Variants in PDE4B observed in about 807,000 individuals in gnomAD.
PDE4B encodes the protein 3',5'-cyclic-AMP phosphodiesterase 4B.
In PDE4B, 20 loss-of-function variants were observed where a neutral mutation model predicts 82.2. The observed-to-expected ratio is 0.24, with a 90% CI of 0.17 to 0.35. PDE4B has a LOEUF of 0.35. Ranked by LOEUF, PDE4B falls within the 10% of genes least tolerant of loss-of-function variation. The pLI is 1.00. For synonymous variants in PDE4B, 320 were observed against 318.9 expected, an observed-to-expected ratio of 1.00 and a Z score of -0.04; for missense variants, 655 against 907.2, an observed-to-expected ratio of 0.72 and a Z score of 3.57.
At chr1:65,992,715 T>C (rs568538522) in intron 3 of PDE4B, 7 of 1,344,320 alleles carry the variant, frequency 5.2e-6, no homozygotes, top group African/African-American at 3.0e-5. Context: ...ATAAAGCTCC[T>C]TGTGACAGCC....
intron 1 of PDE4B, among the ~76,000 whole-genome samples, chr1:65,855,555 G>A (rs1276275774): frequency 6.6e-6 from 1 of 152,032 alleles, no homozygotes; most frequent in Non-Finnish European, 1.5e-5. Context: ...TCCCATTTCT[G>A]GGTGGGCTCT....
intron 8 of PDE4B, among the ~76,000 whole-genome samples, chr1:66,337,934 C>G (rs907443170): frequency 2.6e-5 from 4 of 152,142 alleles, no homozygotes; most frequent in Non-Finnish European, 1.5e-5. Flanking sequence ...CCTGCCTTTA[C>G]TTAGGTATAG....
chr1:65,992,424 C>T (rs917244603), intron 3 of PDE4B: 3 of 153,288 alleles, frequency 2.0e-5, no homozygotes, highest in African/African-American at 7.2e-5. Flanking sequence ...AAACATTACA[C>T]ATGCTGGACG....
intron 7 of PDE4B, among the ~76,000 whole-genome samples, chr1:66,297,013 C>T (rs1657559368): frequency 6.6e-6 from 1 of 152,148 alleles, no homozygotes; most frequent in Non-Finnish European, 1.5e-5. Context: ...CTGTTTGATT[C>T]TGTGGAAGTT....
chr1:66,071,039 A>AATTTTTCTTAATGAATGTTAAC (rs1656131046), intron 3 of PDE4B, among the ~76,000 whole-genome samples: 1 of 152,016 alleles, frequency 6.6e-6, no homozygotes, highest in Non-Finnish European at 1.5e-5. Context: ...TTATGTTAAT[A>AATTTTTCTTAATGAATGTTAAC]ATTTTTCTTA....
chr1:66,079,177 T>TCC (rs1656594172), intron 3 of PDE4B, among the ~76,000 whole-genome samples: 1 of 144,524 alleles, frequency 6.9e-6, no homozygotes, highest in South Asian at 2.3e-4. Context: ...TCTCTCTCTC[T>TCC]CTCTCTCTCT....
chr1:66,220,521 G>A (rs1263490835), intron 3 of PDE4B, among the ~76,000 whole-genome samples: 1 of 152,158 alleles, frequency 6.6e-6, no homozygotes, highest in Non-Finnish European at 1.5e-5. Context: ...CTGCTTGCAA[G>A]CTGAGATGGA....
At chr1:65,925,792 A>G (rs781117297) in intron 3 of PDE4B, among the ~76,000 whole-genome samples, 3 of 152,320 alleles carry the variant, frequency 2.0e-5, no homozygotes, top group Middle Eastern at 6.8e-3. Context: ...ATTTGATTCT[A>G]TCAGGTCTCT....
intron 1 of PDE4B, among the ~76,000 whole-genome samples, chr1:65,822,302 A>G (rs150014784): frequency 9.9e-4 from 151 of 152,156 alleles, no homozygotes; most frequent in Middle Eastern, 3.4e-3. Context: ...GGATATTAAG[A>G]TTGTTTTCGG....
At chr1:66,064,165 A>G (rs1255161766) in intron 3 of PDE4B, among the ~76,000 whole-genome samples, 1 of 152,014 alleles carries the variant, frequency 6.6e-6, no homozygotes, top group Non-Finnish European at 1.5e-5. Context: ...CTTAGCCTTT[A>G]TCAGCAAAAA....
intron 1 of PDE4B, among the ~76,000 whole-genome samples, chr1:65,899,817 G>A (rs910086496): frequency 1.3e-5 from 2 of 151,992 alleles, no homozygotes; most frequent in African/African-American, 2.4e-5. Flanking sequence ...ACTCATAAGC[G>A]GGAGCTAAGC....
intron 3 of PDE4B, among the ~76,000 whole-genome samples, chr1:66,081,628 T>C (rs1424187465): frequency 6.6e-6 from 1 of 152,126 alleles, no homozygotes; most frequent in Non-Finnish European, 1.5e-5. Context: ...TAAAGGAAAT[T>C]TCATGTTTTA....
chr1:66,111,781 T>C (rs758024014), intron 3 of PDE4B, among the ~76,000 whole-genome samples: 3 of 152,096 alleles, frequency 2.0e-5, no homozygotes, highest in Non-Finnish European at 4.4e-5. Context: ...TTGGCCTGAT[T>C]TGTAGTTGAT....
At chr1:66,202,006 A>T (rs1341521803) in intron 3 of PDE4B, among the ~76,000 whole-genome samples, 1 of 152,218 alleles carries the variant, frequency 6.6e-6, no homozygotes, top group East Asian at 1.9e-4. Flanking sequence ...TTCCCTCTAC[A>T]CACTGCTTTG....
rs575750450 is a variant in PDE4B, at chr1:66,121,289, T to G, written c.282-126171T>G. ...TTTTGCAGTGGTAATGGGGGACATT[T>G]TAGCTGAGACTTGGAAAAATGGTAG... On this transcript the variant is annotated intron_variant, in intron 3 of 16. Transcript: ENST00000341517. Among the ~76,000 whole-genome samples the G allele has an allele frequency of 3.3e-5, 5 of 152,264 alleles. No individual in the cohort carries two copies. The South Asian group carries it at 1.0e-3, about 32-fold the overall frequency.
intron 3 of PDE4B, among the ~76,000 whole-genome samples, chr1:66,233,570 G>T (rs1008619820): frequency 1.3e-5 from 2 of 152,226 alleles, no homozygotes; most frequent in Admixed American, 1.3e-4. Flanking sequence ...AGTAGAAGCG[G>T]AAAGAACAGG....
chr1:66,298,889 C>T (rs1657694647), intron 7 of PDE4B, among the ~76,000 whole-genome samples: 1 of 152,036 alleles, frequency 6.6e-6, no homozygotes, highest in South Asian at 2.1e-4. Context: ...GTACTGTGCT[C>T]ATAGTAGTCA....
chr1:66,186,152 G>A (rs1187164703), intron 3 of PDE4B, among the ~76,000 whole-genome samples: 1 of 152,104 alleles, frequency 6.6e-6, no homozygotes, highest in African/African-American at 2.4e-5. Flanking sequence ...TTTTAGATAT[G>A]CGGCATTATT....
intron 3 of PDE4B, among the ~76,000 whole-genome samples, chr1:66,087,026 C>T (rs6694912): frequency 0.49 from 75,002 of 151,888 alleles, 18,629 homozygotes; most frequent in East Asian, 0.58. Flanking sequence ...TATGGAAGAA[C>T]AGAGTGCTTG....
Sources: gnomAD v4.1 joint callset for allele counts (sites outside exome capture counted in the v4.1 genomes callset) on GRCh38, gnomAD v4.1.1 for gene constraint, MANE v1.5 for transcripts, NCBI Gene and HGNC (gene_info 2026-07-23, HGNC 2026-07-21) for gene names.